GMFB: variants seen among roughly 807,000 people sequenced by gnomAD.
GMFB encodes the protein glia maturation factor beta, also known as GMF-beta.
Under a neutral mutation model 25.6 loss-of-function variants are expected in GMFB, and 13 were observed. The observed-to-expected ratio is 0.51, with a 90% CI of 0.33 to 0.81. GMFB has a LOEUF of 0.81. Among genes scored for constraint, GMFB ranks in the 30% least tolerant of loss-of-function variants. The pLI, the probability that GMFB is intolerant of heterozygous loss-of-function variation, is 0.02. For missense variants in GMFB, 146 were observed against 175.4 expected (o/e 0.83, Z 0.95); for synonymous variants, 57 against 56.9 (o/e 1.00, Z 0.00).
intron 3 of GMFB, among the ~76,000 whole-genome samples, 172 bp from the exon 4 acceptor site, chr14:54,481,630 A>G (rs1373672740): frequency 6.6e-6 from 1 of 152,102 alleles, no homozygotes; most frequent in Non-Finnish European, 1.5e-5. Context: ...TCTCAATCCA[A>G]TCAAAGCCTC....
intron 1 of GMFB, chr14:54,488,462 C>T (rs1035026841): frequency 6.2e-6 from 1 of 161,218 alleles, no homozygotes; most frequent in Non-Finnish European, 1.3e-5. Context: ...AGAATTCAAT[C>T]GGAATTCGAG....
intron 6 of GMFB, 37 bp from the exon 7 acceptor site, chr14:54,478,196 A>G: frequency 2.7e-6 from 2 of 750,892 alleles, no homozygotes; most frequent in Non-Finnish European, 4.1e-6. Context: ...ATACTTTGAC[A>G]CTCCAAAAAA....
intron 5 of GMFB, chr14:54,480,061 G>C (rs2031690898): frequency 4.5e-6 from 2 of 444,884 alleles, no homozygotes; most frequent in African/African-American, 4.1e-5. Context: ...ACAAGAACAA[G>C]TCTACAGGTT....
At chr14:54,483,479 G>C in intron 2 of GMFB, 192 bp downstream of exon 2, 1 of 561,340 alleles carries the variant, frequency 1.8e-6, no homozygotes, top group Non-Finnish European at 3.2e-6. Context: ...GGGGGAGGTG[G>C]GACAATCCAC....
chr14:54,487,493 C>A (rs974352711), intron 1 of GMFB, among the ~76,000 whole-genome samples: 3 of 151,990 alleles, frequency 2.0e-5, no homozygotes, highest in African/African-American at 7.3e-5. Context: ...GAGCGGAGAT[C>A]GCGCCACTGC....
At chr14:54,485,974 G>A (rs1360889300) in intron 1 of GMFB, among the ~76,000 whole-genome samples, 6 of 152,184 alleles carry the variant, frequency 3.9e-5, no homozygotes, top group Non-Finnish European at 5.9e-5. Flanking sequence ...ACCCCGGGCC[G>A]GGCACAGTGG....
At chr14:54,482,276 G>A in intron 2 of GMFB, 74 bp from the exon 3 acceptor site, 2 of 910,840 alleles carry the variant, frequency 2.2e-6, no homozygotes, top group Non-Finnish European at 1.8e-6. Flanking sequence ...CACAATCTCA[G>A]CCTTTTTTTT....
chr14:54,488,761 G>T, intron 1 of GMFB, 164 bp downstream of exon 1: 1 of 547,128 alleles, frequency 1.8e-6, no homozygotes, highest in Non-Finnish European at 3.1e-6. Flanking sequence ...GGCGGCGGCA[G>T]AGGCCAAGTA....
chr14:54,481,363 G>T, intron 4 of GMFB, 46 bp downstream of exon 4: 1 of 1,253,612 alleles, frequency 8.0e-7, no homozygotes, highest in Non-Finnish European at 1.2e-6. Context: ...AAACAGGTCT[G>T]ACCACTAAAG....
At position 54,476,851 on chromosome 14, in the gene GMFB, T is replaced by G. The variant is rs2031646929; in HGVS notation, c.*1237A>C. 1 of 152,080 alleles carries G rather than the reference T, an allele frequency of 6.6e-6. No homozygotes were observed. The highest frequency in any genetic ancestry group is 2.1e-4 in the South Asian group (1 of 4,838). 9.4% of individuals were successfully genotyped at this position (152,080 alleles called of 1,614,324 possible). On this transcript the variant is annotated 3_prime_UTR_variant, in exon 7 of 7. Coordinates refer to ENST00000358056, the MANE Select transcript of GMFB (RefSeq NM_004124.3). ...TATTATCAAATTAATGTTCAATGGTTACTTATGTATTTGTTTTTACAAGTA... is the reference window on the plus strand; with the variant it reads ...TATTATCAAATTAATGTTCAATGGTGACTTATGTATTTGTTTTTACAAGTA...
chr14:54,477,806 T>A lies in GMFB; in HGVS notation c.*282A>T. The A allele has an allele frequency of 3.7e-6, 1 of 266,710 alleles. No homozygotes were observed. The allele number at this position is 266,710 out of a possible 1,614,324, so 16.5% of individuals were successfully genotyped here. ...ATGGTGTCTGTAAATAGTAACAAAT[T>A]CCGAACCATAAGTTATAGAAATTAG... On this transcript the variant is annotated 3_prime_UTR_variant, in exon 7 of 7. Coordinates refer to ENST00000358056, the MANE Select transcript of GMFB (RefSeq NM_004124.3).
At chr14:54,488,260 T>A (rs1288396078) in intron 1 of GMFB, among the ~76,000 whole-genome samples, 2 of 152,188 alleles carry the variant, frequency 1.3e-5, no homozygotes, top group African/African-American at 4.8e-5. Context: ...TTGGGGTCCA[T>A]CCCATGTAAG....
In GMFB at chr14:54,474,521, G is replaced by A. The variant is rs1440639009; in HGVS notation, c.*3567C>T. The A allele has an allele frequency of 6.6e-6, 1 of 152,604 alleles. No homozygotes were observed. Among genetic ancestry groups the A allele is most frequent in the African/African-American group, 2.4e-5 (1 of 41,446 alleles). 9.5% of individuals were successfully genotyped at this position (152,604 alleles called of 1,614,324 possible). On this transcript the variant is annotated 3_prime_UTR_variant, in exon 7 of 7. Transcript: ENST00000358056. The stretch of plus-strand genomic sequence containing the variant: ...TAACATTTTATTTAAACCAGTACAA[G>A]CACCATGCTTAACAAAAGACTGTCC...
intron 5 of GMFB, 178 bp downstream of exon 5, chr14:54,480,696 G>A (rs371330169): frequency 8.5e-6 from 4 of 473,162 alleles, no homozygotes; most frequent in African/African-American, 6.2e-5. Flanking sequence ...AAGAGATGAT[G>A]CTTCATTCTT....
intron 1 of GMFB, among the ~76,000 whole-genome samples, chr14:54,487,428 G>A (rs547126035): frequency 2.6e-5 from 4 of 152,224 alleles, no homozygotes; most frequent in East Asian, 3.9e-4. Context: ...CCAGCTACTC[G>A]GGAGGCTGAG....
At chr14:54,485,828 A>T (rs1244883977) in intron 1 of GMFB, among the ~76,000 whole-genome samples, 1 of 151,750 alleles carries the variant, frequency 6.6e-6, no homozygotes, top group Non-Finnish European at 1.5e-5. Flanking sequence ...CAGAATAGAG[A>T]ACCCAGAAGT....
intron 5 of GMFB, 86 bp downstream of exon 5, chr14:54,480,788 T>C: frequency 1.4e-6 from 1 of 717,548 alleles, no homozygotes; most frequent in South Asian, 1.6e-5. Flanking sequence ...AATGTTCATC[T>C]TTAAAAACAG....
chr14:54,475,233 ATGGGT>A lies in GMFB; in HGVS notation c.*2850_*2854del, dbSNP rs2031621495. The A allele has an allele frequency of 3.3e-5, 5 of 152,684 alleles. 1 individual carries two copies. The South Asian group carries it at 1.0e-3, about 32-fold the overall frequency. The allele number at this position is 152,684 out of a possible 1,614,324, so 9.5% of individuals were successfully genotyped here. The stretch of plus-strand genomic sequence containing the variant: ...TAAGTACACCTTCCTTAATATCTAT[ATGGGT>A]TGGGGGGAACAGCCAAATTTAATTT... On this transcript the variant is annotated 3_prime_UTR_variant, in exon 7 of 7. Coordinates refer to ENST00000358056, the MANE Select transcript of GMFB (RefSeq NM_004124.3).
intron 1 of GMFB, 44 bp downstream of exon 1, chr14:54,488,881 G>T: frequency 6.5e-7 from 1 of 1,530,534 alleles, no homozygotes; most frequent in Non-Finnish European, 8.8e-7. Flanking sequence ...CGGCTGGCCG[G>T]CTCGCCCAGC....
Sources: allele counts gnomAD v4.1 joint callset (sites outside exome capture counted in the v4.1 genomes callset), GRCh38; gene constraint gnomAD v4.1.1; transcripts MANE v1.5; gene names NCBI Gene and HGNC (gene_info 2026-07-23, HGNC 2026-07-21).